The following PAPOLG variants were observed in gnomAD, a reference collection of about 807,000 sequenced individuals.
PAPOLG encodes poly(A) polymerase gamma, also known as PAP-gamma.
Under a neutral mutation model 99.0 loss-of-function variants are expected in PAPOLG, and 40 were observed. That is an observed-to-expected ratio of 0.40 (90% CI 0.31 to 0.53). PAPOLG has a LOEUF of 0.53. PAPOLG is among the 20% of genes least tolerant of loss of function. The pLI, the probability that PAPOLG is intolerant of heterozygous loss-of-function variation, is 0.41. For synonymous variants in PAPOLG, 310 were observed against 299.3 expected, an observed-to-expected ratio of 1.04 and a Z score of -0.37; for missense variants, 675 against 884.1, an observed-to-expected ratio of 0.76 and a Z score of 3.00.
rs67779326 is a variant in PAPOLG, at chr2:60,782,678, T to TTTTTA, written c.1028-8_1028-7insTTTTA. On this transcript the variant is annotated splice_polypyrimidine_tract_variant and splice_region_variant and intron_variant, in intron 11 of 21. Coordinates refer to ENST00000238714, the MANE Select transcript of PAPOLG (RefSeq NM_022894.4). ...CTTTTTTTTTTTTTTTTTTTTTTTTTAATTTAGGTCTTGCAGTCACAGATG... is the reference window on the plus strand; with the variant it reads ...CTTTTTTTTTTTTTTTTTTTTTTTTTTTTTAAATTTAGGTCTTGCAGTCACAGATG... 101 of 1,386,064 alleles carry TTTTTA rather than the reference T, an allele frequency of 7.3e-5. No homozygotes were observed. The highest frequency in any genetic ancestry group is 3.2e-4 in the African/African-American group (18 of 56,506). 85.9% of individuals were successfully genotyped at this position (1,386,064 alleles called of 1,614,324 possible).
chr2:60,794,859 G>T, intron 20 of PAPOLG, 84 bp downstream of exon 20: 1 of 1,551,176 alleles, frequency 6.4e-7, no homozygotes. Flanking sequence ...AAGTAGGTCA[G>T]ATTAGATTTA....
chr2:60,776,199 G>C (rs933859666), intron 8 of PAPOLG, among the ~76,000 whole-genome samples: 4 of 152,110 alleles, frequency 2.6e-5, no homozygotes, highest in African/African-American at 9.7e-5. Context: ...TGGGTGACTA[G>C]GTGCATTGTC....
chr2:60,767,303 A>G (rs28459296), intron 3 of PAPOLG, among the ~76,000 whole-genome samples: 39,774 of 151,608 alleles, frequency 0.26, 5,482 homozygotes, highest in Middle Eastern at 0.35. Flanking sequence ...TTTTGGAACT[A>G]GCTCTCAAGA....
chr2:60,769,886 C>T (rs1670797463), intron 5 of PAPOLG, among the ~76,000 whole-genome samples: 1 of 152,088 alleles, frequency 6.6e-6, no homozygotes, highest in Non-Finnish European at 1.5e-5. Context: ...GATCTGCATG[C>T]ATTAGGTATT....
chr2:60,782,887 A>G, intron 12 of PAPOLG, 117 bp downstream of exon 12: 1 of 1,244,940 alleles, frequency 8.0e-7, no homozygotes, highest in Non-Finnish European at 1.1e-6. Flanking sequence ...AAGAGAGAAT[A>G]GATTAACAAA....
At chr2:60,774,387 A>G (rs1178947241) in intron 7 of PAPOLG, among the ~76,000 whole-genome samples, 1 of 135,492 alleles carries the variant, frequency 7.4e-6, no homozygotes, top group Non-Finnish European at 1.6e-5. Context: ...TTTTTTTGAG[A>G]CAGAGTCTCA....
chr2:60,797,550 G>A lies in PAPOLG; in HGVS notation c.*390G>A, dbSNP rs1250556046. The A allele has an allele frequency of 6.6e-6, 1 of 150,712 alleles. No homozygotes were observed. 9.3% of individuals were successfully genotyped at this position (150,712 alleles called of 1,614,324 possible). The stretch of plus-strand genomic sequence containing the variant: ...TGTTTTTCTTTTTTTGTCTTATGTT[G>A]TAATCATTGTATAGAGCTAAAAAAA... On this transcript the variant is annotated 3_prime_UTR_variant, in exon 22 of 22. Transcript: ENST00000238714.
Position 60,797,372 on chromosome 2 carries a change from G to T in PAPOLG, c.*212G>T. 1 of 570,540 alleles carries T rather than the reference G, an allele frequency of 1.8e-6. No homozygotes were observed. The highest frequency in any genetic ancestry group is 3.1e-6 in the Non-Finnish European group (1 of 327,248). The allele number at this position is 570,540 out of a possible 1,614,324, so 35.3% of individuals were successfully genotyped here. A position where few individuals can be genotyped will look rare whatever the true frequency, so the allele number is the denominator to read the frequency against. ...CTGATTGCTACATACACTTCTCTGA[G>T]GATCACCTGCTGTCAAATTGCCATC... On this transcript the variant is annotated 3_prime_UTR_variant, in exon 22 of 22. Transcript: ENST00000238714.
chr2:60,768,685 A>G, intron 4 of PAPOLG, 96 bp from the exon 5 acceptor site: 1 of 1,351,884 alleles, frequency 7.4e-7, no homozygotes, highest in Non-Finnish European at 1.0e-6. Context: ...CTTGTACTCA[A>G]CTTCCATACT....
At chr2:60,791,444 C>T (rs923106489) in intron 15 of PAPOLG, 7 of 171,656 alleles carry the variant, frequency 4.1e-5, no homozygotes, top group Admixed American at 6.0e-5. Flanking sequence ...CCCAGCTACT[C>T]GGGAGGCTGA....
At chr2:60,780,679 G>A (rs755610187) in intron 9 of PAPOLG, 28 bp from the exon 10 acceptor site, 2 of 1,609,904 alleles carry the variant, frequency 1.2e-6, no homozygotes, top group African/African-American at 1.3e-5. Flanking sequence ...GAGATCATGT[G>A]TAAGTTAATT....
At chr2:60,770,663 G>C in intron 6 of PAPOLG, 152 bp downstream of exon 6, 2 of 531,542 alleles carry the variant, frequency 3.8e-6, no homozygotes, top group Non-Finnish European at 6.5e-6. Context: ...TAACTCTATG[G>C]CCAAGGCTGG....
chr2:60,776,721 C>T (rs1001017804), intron 8 of PAPOLG, among the ~76,000 whole-genome samples: 6 of 152,146 alleles, frequency 3.9e-5, no homozygotes, highest in Admixed American at 2.0e-4. Flanking sequence ...AGCCACCATG[C>T]CCGGCCAGCT....
At chr2:60,773,689 A>G (rs1670924250) in intron 7 of PAPOLG, among the ~76,000 whole-genome samples, 1 of 131,026 alleles carries the variant, frequency 7.6e-6, no homozygotes, top group African/African-American at 3.0e-5. Context: ...TACACATTTC[A>G]CTATAAAATG....
Position 60,786,973 on chromosome 2 carries a change from G to A in PAPOLG, c.1193G>A (p.Arg398His). The A allele has an allele frequency of 6.2e-7, 1 of 1,611,190 alleles. No homozygotes were observed. The highest frequency in any genetic ancestry group is 8.5e-7 in the Non-Finnish European group (1 of 1,178,078). ...EWVGLVESKI[R>H]VLVGNLERNE... The stretch of plus-strand genomic sequence containing the variant: ...GTTGGATTAGTAGAATCTAAAATCC[G>A]TGTACTTGTTGGAAACTTGGAACGG... Residue 398 changes from arginine (R) to histidine (H), a missense_variant, in exon 14 of 22, where the codon CGT becomes CAT. By Grantham distance (29) the Arg-to-His change is conservative. Transcript: ENST00000238714.
chr2:60,772,661 T>C (rs889578114), intron 7 of PAPOLG, among the ~76,000 whole-genome samples: 9 of 151,782 alleles, frequency 5.9e-5, no homozygotes, highest in Non-Finnish European at 1.0e-4. Flanking sequence ...GGCAGGAAAA[T>C]CACTTGAACC....
intron 7 of PAPOLG, among the ~76,000 whole-genome samples, chr2:60,772,449 A>G (rs911760884): frequency 2.7e-5 from 4 of 148,830 alleles, no homozygotes; most frequent in African/African-American, 1.0e-4. Context: ...CCTGTCTCAA[A>G]AAAAAAAAAA....
intron 13 of PAPOLG, among the ~76,000 whole-genome samples, chr2:60,783,811 G>A (rs1009522829): frequency 6.6e-6 from 1 of 151,484 alleles, no homozygotes; most frequent in African/African-American, 2.4e-5. Context: ...GAGCTTCAGT[G>A]TTTAAAATAT....
intron 9 of PAPOLG, 70 bp from the exon 10 acceptor site, chr2:60,780,634 CTAA>C: frequency 6.9e-7 from 1 of 1,458,220 alleles, no homozygotes; most frequent in Non-Finnish European, 9.6e-7. Context: ...TTAGAACAAT[CTAA>C]TAATTATAAA....
Sources: allele counts gnomAD v4.1 joint callset (sites outside exome capture counted in the v4.1 genomes callset), GRCh38; gene constraint gnomAD v4.1.1; transcripts MANE v1.5; gene names NCBI Gene and HGNC (gene_info 2026-07-23, HGNC 2026-07-21).